CACNA1C: variants seen among roughly 807,000 people sequenced by gnomAD.
CACNA1C encodes voltage-dependent L-type calcium channel subunit alpha-1C.
A neutral mutation model predicts 229.0 loss-of-function variants in CACNA1C; 30 were observed. That is an observed-to-expected ratio of 0.13 (90% confidence interval 0.10 to 0.18). The LOEUF (loss-of-function observed/expected upper bound fraction) is 0.18, where lower values mean the gene tolerates loss of function less well. CACNA1C is among the 10% of genes least tolerant of loss of function. The pLI is 1.00. For synonymous variants in CACNA1C, 1,114 were observed against 1,132.5 expected, an observed-to-expected ratio of 0.98 and a Z score of 0.33; for missense variants, 1,658 against 2,845.0, an observed-to-expected ratio of 0.58 and a Z score of 9.49.
chr12:2,065,676 G>C (rs1190083064), intron 1 of CACNA1C, among the ~76,000 whole-genome samples: 1 of 152,214 alleles, frequency 6.6e-6, no homozygotes, highest in African/African-American at 2.4e-5. Context: ...ATTTAAAGAA[G>C]AAGGGTGGTA....
chr12:2,159,034 G>C (rs2154241276), intron 3 of CACNA1C, among the ~76,000 whole-genome samples: 1 of 152,198 alleles, frequency 6.6e-6, no homozygotes, highest in African/African-American at 2.4e-5. Flanking sequence ...AAATCACCAA[G>C]GGGCTACATA....
chr12:2,502,113 C>T (rs2099761894), intron 7 of CACNA1C, among the ~76,000 whole-genome samples: 1 of 152,244 alleles, frequency 6.6e-6, no homozygotes, highest in Non-Finnish European at 1.5e-5. Context: ...CACTCTTCCA[C>T]TGGTGGAAGC....
intron 3 of CACNA1C, among the ~76,000 whole-genome samples, chr12:2,256,715 A>G (rs1162844559): frequency 6.6e-6 from 1 of 152,134 alleles, no homozygotes; most frequent in East Asian, 1.9e-4. Flanking sequence ...AGCCATCCTC[A>G]GATTCCAGCC....
intron 3 of CACNA1C, among the ~76,000 whole-genome samples, chr12:2,337,438 G>A (rs557412134): frequency 8.1e-4 from 123 of 152,268 alleles, no homozygotes; most frequent in Middle Eastern, 3.4e-3. Context: ...CTCCAGCCTC[G>A]CCACAGTGAA....
chr12:2,086,481 C>T (rs944748572), intron 1 of CACNA1C, among the ~76,000 whole-genome samples: 1 of 152,176 alleles, frequency 6.6e-6, no homozygotes, highest in Admixed American at 6.5e-5. Flanking sequence ...TCCATTTTTA[C>T]CACTTAGTTG....
intron 9 of CACNA1C, among the ~76,000 whole-genome samples, chr12:2,524,876 G>A (rs2099816005): frequency 6.6e-6 from 1 of 152,258 alleles, no homozygotes; most frequent in Admixed American, 6.5e-5. Context: ...GAAGGACTGG[G>A]GCTGGGTGGG....
intron 3 of CACNA1C, among the ~76,000 whole-genome samples, chr12:2,357,773 C>A (rs532566188): frequency 2.0e-5 from 3 of 151,510 alleles, no homozygotes; most frequent in African/African-American, 4.8e-5. Flanking sequence ...CAGTTCGAGA[C>A]CAGCCTGGCC....
chr12:2,120,285 T>C, intron 2 of CACNA1C, 40 bp from the exon 3 acceptor site: 1 of 937,314 alleles, frequency 1.1e-6, no homozygotes, highest in Non-Finnish European at 1.8e-6. Context: ...GTTTCACTTG[T>C]ACTTTCTGTG....
At chr12:2,242,913 T>G (rs186408678) in intron 3 of CACNA1C, among the ~76,000 whole-genome samples, 3 of 152,330 alleles carry the variant, frequency 2.0e-5, no homozygotes, top group East Asian at 3.9e-4. Context: ...TGGTTATTCT[T>G]AATTTAAGAG....
In CACNA1C at chr12:2,611,986, C is replaced by T. The variant is rs771209106; in HGVS notation, c.3801C>T (p.Ile1267=). The part of the protein sequence containing the change: ...LFTGLFTVEM[I]LKLIAFKPKH... ...CTGGCCTCTTCACCGTGGAGATGAT[C>T]CTGAAGCTCATTGCCTTCAAACCCA... The change falls in exon 29 of 47, where the codon ATC becomes ATT. Residue 1267 remains isoleucine, a synonymous_variant. Transcript: ENST00000399655. 1.9e-6 allele frequency: 3 copies of T among 1,611,600 alleles called. No homozygotes were observed. Among genetic ancestry groups the T allele is most frequent in the Admixed American group, 1.7e-5 (1 of 59,984 alleles).
chr12:2,679,528 C>T lies in CACNA1C; in HGVS notation c.5176C>T (p.Arg1726Cys). 2.5e-6 allele frequency: 4 copies of T among 1,612,666 alleles called. No homozygotes were observed. Among genetic ancestry groups the T allele is most frequent in the East Asian group, 2.2e-5 (1 of 44,834 alleles). Residue 1726 changes from arginine to cysteine, a missense_variant, in exon 42 of 47, where the codon CGC (arginine) becomes TGC (cysteine). Transcript: ENST00000399655. This position sits in a 1 kb window ranked among gnomAD's most constrained non-coding sequence, Gnocchi z 5.5. Reference protein sequence around the residue: ...SAFPQTFTTQRPLHINKAGSS... With the variant: ...SAFPQTFTTQCPLHINKAGSS... ...CTTCCCCCAGACCTTCACCACTCAG[C>T]GCCCGCTGCACATCAACAAGGCGGG...
At chr12:2,190,453 A>G (rs1394000048) in intron 3 of CACNA1C, among the ~76,000 whole-genome samples, 3 of 152,030 alleles carry the variant, frequency 2.0e-5, no homozygotes, top group Admixed American at 2.0e-4. Flanking sequence ...TGTTTGTTTT[A>G]ATTTTTTCAG....
chr12:1,993,218 C>A, intron 1 of CACNA1C: 1 of 1,613,802 alleles, frequency 6.2e-7, no homozygotes, highest in Non-Finnish European at 8.5e-7. Flanking sequence ...AAACACTTGG[C>A]CAAACTTCAG....
Position 2,666,355 on chromosome 12 carries a change from C to T in CACNA1C, c.4527-331C>T, listed in dbSNP as rs2153711693. The stretch of plus-strand genomic sequence containing the variant: ...CTAAAGATCAATCACATTCGGCTGA[C>T]CCTCAGTAAATACCTTTTGGTCAGA... On this transcript the variant is annotated intron_variant, in intron 36 of 46. Coordinates refer to ENST00000399655, the MANE Select transcript of CACNA1C (RefSeq NM_000719.7). This position sits in a 1 kb window ranked among gnomAD's most constrained non-coding sequence, Gnocchi z 5.3. Among the ~76,000 whole-genome samples the T allele has an allele frequency of 6.6e-6, 1 of 152,292 alleles. No homozygotes were observed. The highest frequency in any genetic ancestry group is 1.9e-4 in the East Asian group (1 of 5,190).
Position 2,597,154 on chromosome 12 carries a change from T to C in CACNA1C, c.2794-76T>C. 1.1e-6 allele frequency: 1 copy of C among 904,694 alleles called. No homozygotes were observed. Among genetic ancestry groups the C allele is most frequent in the Non-Finnish European group, 1.8e-6 (1 of 553,096 alleles). 56.0% of individuals were successfully genotyped at this position (904,694 alleles called of 1,614,324 possible). ...AGTGTGGCCCCTTTTCTGGTGAACA[T>C]CCACTGACCTCTCTTCCCGTCCTGC... On this transcript the variant is annotated intron_variant, in intron 20 of 46. Transcript: ENST00000399655. The surrounding 1 kb of genome is among the most constrained non-coding windows in gnomAD (Gnocchi z 4.3).
rs771744903 is a variant in CACNA1C, at chr12:2,649,761, A to G, written c.3945+1254A>G. On this transcript the variant is annotated intron_variant, in intron 31 of 46. Transcript: ENST00000399655. This position sits in a 1 kb window ranked among gnomAD's most constrained non-coding sequence, Gnocchi z 4.4. ...GGCACCAACTTCTCAAACTCTTGACACTTGCAGCTAAAGTTCTCCACTTAA... is the reference window on the plus strand; with the variant it reads ...GGCACCAACTTCTCAAACTCTTGACGCTTGCAGCTAAAGTTCTCCACTTAA... Among the ~76,000 whole-genome samples, 7 of 151,476 alleles carry G rather than the reference A, an allele frequency of 4.6e-5. No individual in the cohort carries two copies. Among genetic ancestry groups the G allele is most frequent in the Non-Finnish European group, 1.0e-4 (7 of 68,006 alleles).
chr12:2,527,365 A>G (rs552547667), intron 9 of CACNA1C, among the ~76,000 whole-genome samples: 31 of 152,316 alleles, frequency 2.0e-4, no homozygotes, highest in Non-Finnish European at 3.7e-4. Flanking sequence ...TCTACTCTCA[A>G]CAACTTACTG....
intron 3 of CACNA1C, among the ~76,000 whole-genome samples, chr12:2,372,202 A>G (rs770665845): frequency 6.6e-5 from 10 of 152,182 alleles, no homozygotes; most frequent in Non-Finnish European, 1.0e-4. Flanking sequence ...AGTTATTCCA[A>G]CAAAGATGCA....
At position 2,653,771 on chromosome 12, in the gene CACNA1C, T is replaced by A; in HGVS notation, c.4075-64T>A. 6.9e-7 allele frequency: 1 copy of A among 1,457,452 alleles called. No homozygotes were observed. The highest frequency in any genetic ancestry group is 2.3e-5 in the East Asian group (1 of 43,940). 90.3% of individuals were successfully genotyped at this position (1,457,452 alleles called of 1,614,324 possible). ...GCAGAGACAGGGATGCGGCGCTCCC[T>A]GGGAAGGGGCCCAGCTGGCCTCTGC... On this transcript the variant is annotated intron_variant, in intron 32 of 46. Transcript: ENST00000399655. This position sits in a 1 kb window ranked among gnomAD's most constrained non-coding sequence, Gnocchi z 4.7.
Sources: gnomAD v4.1 joint callset for allele counts (sites outside exome capture counted in the v4.1 genomes callset) on GRCh38, gnomAD v4.1.1 for gene constraint, Gnocchi (gnomAD v3.1) non-coding constraint, MANE v1.5 for transcripts, NCBI Gene and HGNC (gene_info 2026-07-23, HGNC 2026-07-21) for gene names.